The following TEX10 variants were observed in gnomAD, a reference collection of about 807,000 sequenced individuals.
TEX10 encodes testis expressed 10, also known as testis-expressed protein 10.
Under a neutral mutation model 104.4 loss-of-function variants are expected in TEX10, and 24 were observed. The ratio of observed to expected loss-of-function variants is 0.23; its 90% confidence interval spans 0.17 to 0.32. The LOEUF (loss-of-function observed/expected upper bound fraction) is 0.32, where lower values mean the gene tolerates loss of function less well. Ranked by LOEUF, TEX10 falls within the 10% of genes least tolerant of loss-of-function variation. The probability of loss-of-function intolerance (pLI) is 1.00; values close to 1 mark genes in which losing one functional copy is unlikely to be tolerated. For missense variants in TEX10, 921 were observed against 1,083.9 expected, an observed-to-expected ratio of 0.85 and a Z score of 2.11; for synonymous variants, 396 against 393.4, an observed-to-expected ratio of 1.01 and a Z score of -0.08.
rs778275379 is a variant in TEX10, at chr9:100,302,199, CTG to C, written c.2780_2781del (p.Thr927SerfsTer7). 3.7e-6 allele frequency: 6 copies of C among 1,605,350 alleles called. No individual in the cohort carries two copies. The Admixed American group carries it at 1.0e-4, about 27-fold the overall frequency. On this transcript the variant is annotated frameshift_variant, in exon 15 of 15. Transcript: ENST00000374902. LOFTEE classifies it high-confidence loss of function. ...GHPQGPSALA[T>X]VY ...GAGGTACTATGGCCTCTTCAATACA[CTG>C]TAGCCAGTGCACTGGGCCCTTGGGG... is the stretch of plus-strand genomic sequence containing the variant.
chr9:100,313,007 T>A (rs1834316876), intron 11 of TEX10, among the ~76,000 whole-genome samples: 1 of 152,182 alleles, frequency 6.6e-6, no homozygotes, highest in Admixed American at 6.5e-5. Flanking sequence ...AAAATGAATT[T>A]ATCAAGTAAA....
intron 5 of TEX10, among the ~76,000 whole-genome samples, chr9:100,333,951 T>C (rs1007460285): frequency 2.0e-5 from 3 of 152,156 alleles, no homozygotes; most frequent in Non-Finnish European, 4.4e-5. Flanking sequence ...TCAATGGACT[T>C]ATGTTTGACT....
At chr9:100,330,293 A>G in intron 5 of TEX10, 124 bp from the exon 6 acceptor site, 1 of 754,140 alleles carries the variant, frequency 1.3e-6, no homozygotes, top group Non-Finnish European at 2.2e-6. Flanking sequence ...TAGATGGCCA[A>G]GAAGATAGGT....
chr9:100,315,482 T>C (rs1159486512), intron 11 of TEX10, among the ~76,000 whole-genome samples: 1 of 152,154 alleles, frequency 6.6e-6, no homozygotes, highest in African/African-American at 2.4e-5. Flanking sequence ...TATTTAGAAT[T>C]GTTATATCCT....
chr9:100,327,496 C>T (rs1255899587), intron 8 of TEX10, among the ~76,000 whole-genome samples: 4 of 151,056 alleles, frequency 2.6e-5, no homozygotes, highest in African/African-American at 9.8e-5. Flanking sequence ...GTCTTGCCAT[C>T]AGAGCTTCAA....
At position 100,308,477 on chromosome 9, in the gene TEX10, G is replaced by A. The variant is rs781650590; in HGVS notation, c.2465+23C>T. The A allele has an allele frequency of 3.8e-6, 6 of 1,560,804 alleles. No homozygotes were observed. The South Asian group carries it at 7.4e-5, about 19-fold the overall frequency. On this transcript the variant is annotated intron_variant, in intron 13 of 14. Coordinates refer to ENST00000374902, the MANE Select transcript of TEX10 (RefSeq NM_017746.4). ...GAGGAGGAACAGTAGGAAAATTAAGGTTGAAGAATAAAAAATAATTACCTC... is the reference window on the plus strand; with the variant it reads ...GAGGAGGAACAGTAGGAAAATTAAGATTGAAGAATAAAAAATAATTACCTC...
chr9:100,348,312 T>G (rs1835352508), intron 2 of TEX10, among the ~76,000 whole-genome samples: 1 of 152,092 alleles, frequency 6.6e-6, no homozygotes. Context: ...CTTCTTGGAG[T>G]GATAAAAACG....
intron 11 of TEX10, among the ~76,000 whole-genome samples, chr9:100,312,505 T>A (rs1039400251): frequency 1.3e-5 from 2 of 152,244 alleles, no homozygotes; most frequent in African/African-American, 4.8e-5. Flanking sequence ...TGGTGTTGAA[T>A]GACTACTTTA....
chr9:100,302,930 C>A (rs937546579), intron 14 of TEX10, among the ~76,000 whole-genome samples: 2 of 142,388 alleles, frequency 1.4e-5, no homozygotes, highest in Admixed American at 7.0e-5. Flanking sequence ...TTTTAACCGC[C>A]CCCCCCCCAA....
At position 100,303,683 on chromosome 9, in the gene TEX10, A is replaced by C. The variant is rs1834072121; in HGVS notation, c.2625T>G (p.Thr875=). The change falls in exon 14 of 15, where the codon ACT becomes ACG. Residue 875 remains threonine, a synonymous_variant. Coordinates refer to ENST00000374902, the MANE Select transcript of TEX10 (RefSeq NM_017746.4). ...RLLLQHAPLR[T]HMLTNAILVQ... is the part of the protein sequence containing the mutation. ...CCAAGATCGCATTGGTCAACATATG[A>C]GTCCTGAGGGGTGCATGCTGAAGCA... The C allele has an allele frequency of 1.2e-6, 2 of 1,613,994 alleles. No individual in the cohort carries two copies. Among genetic ancestry groups the C allele is most frequent in the Admixed American group, 1.7e-5 (1 of 60,006 alleles).
At chr9:100,305,421 C>G (rs1834121654) in intron 13 of TEX10, 1 of 152,228 alleles carries the variant, frequency 6.6e-6, no homozygotes, top group African/African-American at 2.4e-5. Context: ...GAAAGCCAGA[C>G]TGCAGACATA....
intron 11 of TEX10, among the ~76,000 whole-genome samples, chr9:100,314,391 A>AT (rs1158510399): frequency 6.6e-6 from 1 of 151,764 alleles, no homozygotes; most frequent in African/African-American, 2.4e-5. Context: ...CGGCCTGGAG[A>AT]TTTTTTTATT....
chr9:100,328,994 T>C (rs1834781138), intron 7 of TEX10, 146 bp downstream of exon 7: 2 of 919,826 alleles, frequency 2.2e-6, no homozygotes, highest in Non-Finnish European at 3.1e-6. Flanking sequence ...TCTTTTAAAA[T>C]TTTATACCAT....
chr9:100,316,747 G>A lies in TEX10; in HGVS notation c.2202+3518C>T, dbSNP rs1271088378. On this transcript the variant is annotated intron_variant, in intron 11 of 14. Transcript: ENST00000374902. ...CTTCCAAGTAGCTAGTACTACAGGTGCATGCCACCATATCCAACTAGATGG... is the reference window on the plus strand; with the variant it reads ...CTTCCAAGTAGCTAGTACTACAGGTACATGCCACCATATCCAACTAGATGG... 3.3e-5 allele frequency among the ~76,000 whole-genome samples: 5 copies of A among 151,992 alleles called. No individual in the cohort carries two copies. In the East Asian group the frequency reaches 9.6e-4, roughly 29 times the overall value.
chr9:100,346,636 T>C (rs1835305483), intron 3 of TEX10, 58 bp downstream of exon 3: 1 of 1,500,404 alleles, frequency 6.7e-7, no homozygotes. Context: ...TCATCAATGG[T>C]TAGCAGTTAT....
intron 5 of TEX10, among the ~76,000 whole-genome samples, chr9:100,339,746 T>C (rs1018744963): frequency 3.9e-5 from 6 of 152,274 alleles, no homozygotes; most frequent in South Asian, 2.1e-4. Context: ...TTACTTGAGG[T>C]AGACATTTTA....
At chr9:100,310,493 C>G in intron 11 of TEX10, 114 bp from the exon 12 acceptor site, 1 of 932,364 alleles carries the variant, frequency 1.1e-6, no homozygotes, top group Non-Finnish European at 1.6e-6. Flanking sequence ...GGCTGGAGTG[C>G]AGTGATGCAG....
intron 7 of TEX10, 127 bp from the exon 8 acceptor site, chr9:100,328,089 C>T: frequency 1.5e-6 from 1 of 646,532 alleles, no homozygotes; most frequent in Non-Finnish European, 2.3e-6. Flanking sequence ...AATAATACCA[C>T]ATTTATTCAT....
At chr9:100,328,241 A>G (rs1169027626) in intron 7 of TEX10, among the ~76,000 whole-genome samples, 2 of 152,192 alleles carry the variant, frequency 1.3e-5, no homozygotes, top group Non-Finnish European at 2.9e-5. Flanking sequence ...AATCGGTGTT[A>G]TTATACTATA....
Sources: allele counts gnomAD v4.1 joint callset (sites outside exome capture counted in the v4.1 genomes callset), GRCh38; gene constraint gnomAD v4.1.1; transcripts MANE v1.5; gene names NCBI Gene and HGNC (gene_info 2026-07-23, HGNC 2026-07-21).